TMED8: variants seen among roughly 807,000 people sequenced by gnomAD.
TMED8 encodes the protein transmembrane p24 trafficking protein family member 8, also known as protein TMED8.
A neutral mutation model predicts 32.7 loss-of-function variants in TMED8; 15 were observed. That is an observed-to-expected ratio of 0.46 (90% CI 0.31 to 0.71). The LOEUF (loss-of-function observed/expected upper bound fraction) is 0.71, where lower values mean the gene tolerates loss of function less well. Ranked by LOEUF, TMED8 falls within the 30% of genes least tolerant of loss-of-function variation. The pLI is 0.06. For missense variants in TMED8, 390 were observed against 423.9 expected (o/e 0.92, Z 0.70); for synonymous variants, 147 against 161.4 (o/e 0.91, Z 0.68).
At chr14:77,347,583 G>A (rs1014300200) in intron 2 of TMED8, among the ~76,000 whole-genome samples, 5 of 152,186 alleles carry the variant, frequency 3.3e-5, no homozygotes, top group African/African-American at 1.2e-4. Flanking sequence ...TGTATTTTTA[G>A]TAGAGACAGT....
At chr14:77,366,857 G>A (rs183218335) in intron 1 of TMED8, among the ~76,000 whole-genome samples, 304 of 152,184 alleles carry the variant, frequency 2.0e-3, no homozygotes, top group Non-Finnish European at 2.4e-3. Context: ...TGCCCAAGAT[G>A]ACCAGCAAAT....
chr14:77,364,419 T>C (rs1364711758), intron 1 of TMED8, among the ~76,000 whole-genome samples: 1 of 152,116 alleles, frequency 6.6e-6, no homozygotes, highest in Admixed American at 6.6e-5. Context: ...AATTTTTAAA[T>C]TTTTCTGTAG....
At chr14:77,372,952 A>ATATTT (rs1555360928) in intron 1 of TMED8, among the ~76,000 whole-genome samples, 4 of 14,314 alleles carry the variant, frequency 2.8e-4, no homozygotes, top group African/African-American at 7.1e-4. Context: ...ATATATATAT[A>ATATTT]TTTTTTTTTT....
intron 1 of TMED8, among the ~76,000 whole-genome samples, chr14:77,375,683 G>A (rs956488250): frequency 2.6e-5 from 4 of 152,182 alleles, no homozygotes; most frequent in Non-Finnish European, 4.4e-5. Context: ...GCAGCATTAT[G>A]AGAGGGAAGA....
chr14:77,343,153 C>T (rs759318084), intron 5 of TMED8, 25 bp downstream of exon 5: 151 of 1,603,482 alleles, frequency 9.4e-5, no homozygotes, highest in Non-Finnish European at 1.3e-4. Flanking sequence ...CAGAAAACTG[C>T]AAATTAGGTT....
rs1009272015 is a variant in TMED8 at position 77,336,455 on chromosome 14, A to C, written c.*5316T>G. 6.6e-6 allele frequency: 1 copy of C among 152,086 alleles called. No individual in the cohort carries two copies. Among genetic ancestry groups the C allele is most frequent in the African/African-American group, 2.4e-5 (1 of 41,400 alleles). 9.4% of individuals were successfully genotyped at this position (152,086 alleles called of 1,614,324 possible). On this transcript the variant is annotated 3_prime_UTR_variant, in exon 6 of 6. Coordinates refer to ENST00000216468, the MANE Select transcript of TMED8 (RefSeq NM_213601.3). The stretch of plus-strand genomic sequence containing the variant: ...CTATTTGTAAATGAGCTCCACTATC[A>C]TTGGTTTTAGGCAATAGTGTTTTCT...
At position 77,377,026 on chromosome 14, in the gene TMED8, GC is replaced by G; in HGVS notation, c.27del (p.Pro10ArgfsTer35). ...CGGGCTGTGGGGCTCCAGGAGCCCG[GC>G]CCCTCAGCCGCCTGCAGGTCAGACA... MSDLQAAE[G>X]PGSWSPTARP... On this transcript the variant is annotated frameshift_variant, in exon 1 of 6. Coordinates refer to ENST00000216468, the MANE Select transcript of TMED8 (RefSeq NM_213601.3). LOFTEE classifies it high-confidence loss of function. The G allele has an allele frequency of 7.2e-7, 1 of 1,391,132 alleles. No homozygotes were observed. The highest frequency in any genetic ancestry group is 9.2e-7 in the Non-Finnish European group (1 of 1,082,604). 86.2% of individuals were successfully genotyped at this position (1,391,132 alleles called of 1,614,324 possible).
Position 77,336,836 on chromosome 14 carries a change from A to T in TMED8, c.*4935T>A, listed in dbSNP as rs1207623627. ...GGGGTTAAAAGGCAACCTTCTGCAG[A>T]TAAGTGGTCTTAACAAACAAATATA... On this transcript the variant is annotated 3_prime_UTR_variant, in exon 6 of 6. Transcript: ENST00000216468. 1 of 152,222 alleles carries T rather than the reference A, an allele frequency of 6.6e-6. No individual in the cohort carries two copies. Among genetic ancestry groups the T allele is most frequent in the African/African-American group, 2.4e-5 (1 of 41,458 alleles). The allele number at this position is 152,222 out of a possible 1,614,324, so 9.4% of individuals were successfully genotyped here.
chr14:77,364,875 T>G (rs1387598289), intron 1 of TMED8, among the ~76,000 whole-genome samples: 2 of 152,184 alleles, frequency 1.3e-5, no homozygotes, highest in Non-Finnish European at 2.9e-5. Flanking sequence ...TCACTAACAC[T>G]AGATATAATC....
At position 77,336,271 on chromosome 14, in the gene TMED8, T is replaced by C. The variant is rs929273981; in HGVS notation, c.*5500A>G. On this transcript the variant is annotated 3_prime_UTR_variant, in exon 6 of 6. Coordinates refer to ENST00000216468, the MANE Select transcript of TMED8 (RefSeq NM_213601.3). ...TTAAATAAACATGCATCTCTAGATTTCTAGGGCAACTTTTCATCATATCTT... is the reference window on the plus strand; with the variant it reads ...TTAAATAAACATGCATCTCTAGATTCCTAGGGCAACTTTTCATCATATCTT... The C allele has an allele frequency of 6.6e-6, 1 of 152,150 alleles. No homozygotes were observed. Among genetic ancestry groups the C allele is most frequent in the African/African-American group, 2.4e-5 (1 of 41,438 alleles). The allele number at this position is 152,150 out of a possible 1,614,324, so 9.4% of individuals were successfully genotyped here.
At chr14:77,363,203 T>C (rs908981608) in intron 1 of TMED8, among the ~76,000 whole-genome samples, 1 of 152,238 alleles carries the variant, frequency 6.6e-6, no homozygotes, top group South Asian at 2.1e-4. Flanking sequence ...ATAGATCAGA[T>C]GTTAGGCCAC....
chr14:77,363,869 T>C (rs1388333801), intron 1 of TMED8, among the ~76,000 whole-genome samples: 1 of 152,182 alleles, frequency 6.6e-6, no homozygotes, highest in Admixed American at 6.5e-5. Flanking sequence ...TACACCATAC[T>C]CATGTCCCTA....
In TMED8 at chr14:77,341,509, G is replaced by C; in HGVS notation, c.*262C>G. On this transcript the variant is annotated 3_prime_UTR_variant, in exon 6 of 6. Transcript: ENST00000216468. ...CTTCCTTTTAGGCTTGTGCCCCATA[G>C]GTGCCTTCAAGAGGGAATTTGCTGG... is the stretch of plus-strand genomic sequence containing the variant. The C allele has an allele frequency of 3.8e-6, 2 of 522,702 alleles. No homozygotes were observed. The highest frequency in any genetic ancestry group is 6.9e-6 in the Non-Finnish European group (2 of 289,284). The allele number at this position is 522,702 out of a possible 1,614,324, so 32.4% of individuals were successfully genotyped here.
At chr14:77,366,058 T>C (rs1893546435) in intron 1 of TMED8, among the ~76,000 whole-genome samples, 1 of 152,206 alleles carries the variant, frequency 6.6e-6, no homozygotes, top group African/African-American at 2.4e-5. Flanking sequence ...AATGACATAT[T>C]CTACTGAAAA....
intron 2 of TMED8, among the ~76,000 whole-genome samples, chr14:77,349,670 G>A (rs1252751407): frequency 1.3e-5 from 2 of 152,142 alleles, no homozygotes; most frequent in African/African-American, 2.4e-5. Flanking sequence ...TATATAAAAT[G>A]TGTGCCCCTT....
At position 77,337,055 on chromosome 14, in the gene TMED8, T is replaced by G. The variant is rs1745575684; in HGVS notation, c.*4716A>C. On this transcript the variant is annotated 3_prime_UTR_variant, in exon 6 of 6. Coordinates refer to ENST00000216468, the MANE Select transcript of TMED8 (RefSeq NM_213601.3). ...TATAATGGGACAATATACACTTTTT[T>G]AAAAGTCTGAGTTTTTCTTCCCAAA... 6.6e-6 allele frequency: 1 copy of G among 152,240 alleles called. No homozygotes were observed. The highest frequency in any genetic ancestry group is 2.4e-5 in the African/African-American group (1 of 41,464). 9.4% of individuals were successfully genotyped at this position (152,240 alleles called of 1,614,324 possible).
chr14:77,367,823 A>C (rs1893590532), intron 1 of TMED8, among the ~76,000 whole-genome samples: 1 of 151,912 alleles, frequency 6.6e-6, no homozygotes. Flanking sequence ...CCTCCTGAGC[A>C]GCTGGGACTA....
intron 3 of TMED8, among the ~76,000 whole-genome samples, chr14:77,345,041 G>A (rs1178479359): frequency 6.6e-6 from 1 of 152,202 alleles, no homozygotes; most frequent in African/African-American, 2.4e-5. Context: ...AGGCTGGAGT[G>A]CAATGGCACG....
intron 1 of TMED8, among the ~76,000 whole-genome samples, chr14:77,369,202 G>A (rs189689447): frequency 1.3e-5 from 2 of 152,248 alleles, no homozygotes; most frequent in African/African-American, 4.8e-5. Flanking sequence ...GCAAGTGTCC[G>A]TATAAACATG....
Sources: gnomAD v4.1 joint callset for allele counts (sites outside exome capture counted in the v4.1 genomes callset) on GRCh38, gnomAD v4.1.1 for gene constraint, MANE v1.5 for transcripts, NCBI Gene and HGNC (gene_info 2026-07-23, HGNC 2026-07-21) for gene names.